ASH1L: variants seen among roughly 807,000 people sequenced by gnomAD.
ASH1L encodes ASH1 like histone lysine methyltransferase.
Under a neutral mutation model 269.0 loss-of-function variants are expected in ASH1L, and 23 were observed. The ratio of observed to expected loss-of-function variants is 0.09; its 90% CI spans 0.06 to 0.12. The LOEUF is 0.12. ASH1L is among the 10% of genes least tolerant of loss of function. The pLI is 1.00. For synonymous variants in ASH1L, 1,187 were observed against 1,253.5 expected (o/e 0.95, Z 1.12); for missense variants, 2,912 against 3,567.8 (o/e 0.82, Z 4.68).
intron 3 of ASH1L, among the ~76,000 whole-genome samples, chr1:155,468,945 A>G (rs1664891273): frequency 6.6e-6 from 1 of 152,210 alleles, no homozygotes; most frequent in Admixed American, 6.5e-5. Context: ...AGCAAATAAT[A>G]AACCAGTCAG....
At chr1:155,438,022 T>C (rs751665743) in intron 5 of ASH1L, among the ~76,000 whole-genome samples, 2 of 152,288 alleles carry the variant, frequency 1.3e-5, no homozygotes, top group South Asian at 2.1e-4. Context: ...CTAATTTTTA[T>C]ATTTTTAGTA....
At chr1:155,504,863 A>G (rs984959568) in intron 2 of ASH1L, among the ~76,000 whole-genome samples, 3 of 151,970 alleles carry the variant, frequency 2.0e-5, no homozygotes, top group Admixed American at 1.3e-4. Context: ...TCAAAAAAAA[A>G]AAAAAAAAGA....
In ASH1L at chr1:155,465,289, C is replaced by CAA. The variant is rs1171228344; in HGVS notation, c.4985-5393_4985-5392dup. Reference sequence around the variant, plus strand: ...TTCCCTGGTGCCAAATACAAATTAGCAAAAAAAAAAAAAAAAAAAAAAACA... The same window carrying CAA: ...TTCCCTGGTGCCAAATACAAATTAGCAAAAAAAAAAAAAAAAAAAAAAAAACA... On this transcript the variant is annotated intron_variant, in intron 3 of 27. Coordinates refer to ENST00000392403, the MANE Select transcript of ASH1L (RefSeq NM_018489.3). Among the ~76,000 whole-genome samples, 579 of 62,486 alleles carry CAA rather than the reference C, an allele frequency of 9.3e-3. 11 individuals are homozygous for CAA. The highest frequency in any genetic ancestry group is 0.025 in the African/African-American group (419 of 16,984). The allele number at this position is 62,486 out of a possible 152,430, so 41.0% of individuals were successfully genotyped here.
intron 3 of ASH1L, among the ~76,000 whole-genome samples, chr1:155,473,882 C>A (rs1006464807): frequency 1.4e-4 from 22 of 152,304 alleles, no homozygotes; most frequent in African/African-American, 5.3e-4. Context: ...GTCATCCAGG[C>A]TGGAGTGCAG....
At chr1:155,350,638 T>G (rs1653812428) in intron 17 of ASH1L, among the ~76,000 whole-genome samples, 1 of 152,146 alleles carries the variant, frequency 6.6e-6, no homozygotes, top group Admixed American at 6.6e-5. Context: ...TTTGTTTGGC[T>G]GGGAATGGGT....
At chr1:155,526,190 C>T (rs1669241399) in intron 1 of ASH1L, among the ~76,000 whole-genome samples, 1 of 152,104 alleles carries the variant, frequency 6.6e-6, no homozygotes, top group Non-Finnish European at 1.5e-5. Context: ...ATGAATAGCA[C>T]AAATTTTAGT....
chr1:155,468,113 T>C (rs761040215), intron 3 of ASH1L, among the ~76,000 whole-genome samples: 2 of 152,178 alleles, frequency 1.3e-5, no homozygotes, highest in Non-Finnish European at 2.9e-5. Context: ...TTAGTTGTCA[T>C]GTCTCCTTAG....
At chr1:155,528,150 T>C (rs964794909) in intron 1 of ASH1L, among the ~76,000 whole-genome samples, 17 of 152,186 alleles carry the variant, frequency 1.1e-4, no homozygotes, top group Non-Finnish European at 1.5e-5. Context: ...GTGTAATAGA[T>C]AGGCACTTAA....
intron 1 of ASH1L, among the ~76,000 whole-genome samples, chr1:155,557,575 C>T (rs1266332157): frequency 4.6e-5 from 7 of 151,956 alleles, no homozygotes; most frequent in South Asian, 2.1e-4. Flanking sequence ...CCACCACGCC[C>T]GGCCTAGAAA....
chr1:155,546,826 G>A (rs1319983622), intron 1 of ASH1L, among the ~76,000 whole-genome samples: 2 of 150,800 alleles, frequency 1.3e-5, no homozygotes, highest in African/African-American at 2.4e-5. Context: ...TCATAATTAA[G>A]ACACTTATAT....
At chr1:155,546,488 C>T (rs552925289) in intron 1 of ASH1L, among the ~76,000 whole-genome samples, 73 of 152,118 alleles carry the variant, frequency 4.8e-4, no homozygotes, top group South Asian at 1.7e-3. Context: ...GGGTTGGGCG[C>T]GGTGGCTCAT....
intron 2 of ASH1L, among the ~76,000 whole-genome samples, chr1:155,507,648 G>T (rs1379172457): frequency 6.6e-6 from 1 of 152,192 alleles, no homozygotes; most frequent in African/African-American, 2.4e-5. Context: ...AAGGCAGGAG[G>T]ATCGATTCAG....
chr1:155,502,790 T>C (rs1174213405), intron 2 of ASH1L, among the ~76,000 whole-genome samples: 1 of 152,132 alleles, frequency 6.6e-6, no homozygotes, highest in Non-Finnish European at 1.5e-5. Flanking sequence ...TTTTTATCCT[T>C]TTTGCTTTTT....
chr1:155,420,027 T>C (rs1404153005), intron 5 of ASH1L, among the ~76,000 whole-genome samples: 3 of 151,948 alleles, frequency 2.0e-5, no homozygotes, highest in South Asian at 2.1e-4. Flanking sequence ...ACTTAAACAG[T>C]AGAATAGTAG....
In ASH1L at chr1:155,343,827, AC is replaced by A; in HGVS notation, c.7982-86del. On this transcript the variant is annotated intron_variant, in intron 22 of 27. Transcript: ENST00000392403. The surrounding 1 kb of genome is among the most constrained non-coding windows in gnomAD (Gnocchi z 6.1). ...CATCTGTTTATCTGACTCAGGGTCT[AC>A]ATAGAACTCATAATCTGAAACAGTA... 1 of 1,461,214 alleles carries A rather than the reference AC, an allele frequency of 6.8e-7. No individual in the cohort carries two copies. Among genetic ancestry groups the A allele is most frequent in the Non-Finnish European group, 9.4e-7 (1 of 1,068,782 alleles). 90.5% of individuals were successfully genotyped at this position (1,461,214 alleles called of 1,614,324 possible). A position where few individuals can be genotyped will look rare whatever the true frequency, so the allele number is the denominator to read the frequency against.
chr1:155,357,904 G>A (rs1009816007), intron 13 of ASH1L, among the ~76,000 whole-genome samples, 155 bp from the exon 14 acceptor site: 1 of 152,042 alleles, frequency 6.6e-6, no homozygotes, highest in Admixed American at 6.6e-5. Flanking sequence ...CCCAGTAGCT[G>A]ACATTACAGG....
chr1:155,479,939 T>A lies in ASH1L; in HGVS notation c.2931A>T (p.Gln977His). The A allele has an allele frequency of 6.2e-7, 1 of 1,613,710 alleles. No individual in the cohort carries two copies. The highest frequency in any genetic ancestry group is 8.5e-7 in the Non-Finnish European group (1 of 1,179,912). Residue 977 changes from glutamine (Q) to histidine (H), a missense_variant, in exon 3 of 28, where the codon CAA (glutamine) becomes CAT (histidine). Around this residue, in one of 13 missense-constraint regions of ASH1L, gnomAD observed 715 missense variants for 721.0 expected, o/e 0.99. Coordinates refer to ENST00000392403, the MANE Select transcript of ASH1L (RefSeq NM_018489.3). ...DKKITKRNNG[Q>H]LMKTIIRKIN... is the part of the protein sequence containing the mutation. ...TTTTGCGGATAATTGTTTTCATTAA[T>A]TGTCCATTGTTTCTCTTGGTAATTT...
chr1:155,401,865 G>A (rs1187587878), intron 6 of ASH1L, among the ~76,000 whole-genome samples: 1 of 151,940 alleles, frequency 6.6e-6, no homozygotes, highest in East Asian at 1.9e-4. Flanking sequence ...AAGGCAGGTG[G>A]ATCACCTGAG....
intron 2 of ASH1L, among the ~76,000 whole-genome samples, chr1:155,492,410 TA>T (rs540952039): frequency 3.3e-5 from 5 of 152,210 alleles, no homozygotes; most frequent in Non-Finnish European, 5.9e-5. Flanking sequence ...TTCAATTAAT[TA>T]TTTTTCGGTT....
Sources: gnomAD v4.1 joint callset for allele counts (sites outside exome capture counted in the v4.1 genomes callset) on GRCh38, gnomAD v4.1.1 for gene constraint, gnomAD v4.1.1 regional missense constraint, Gnocchi (gnomAD v3.1) non-coding constraint, MANE v1.5 for transcripts, NCBI Gene and HGNC (gene_info 2026-07-23, HGNC 2026-07-21) for gene names.